Variants in BOD1L1 observed in about 807,000 individuals in gnomAD.
BOD1L1 encodes the protein biorientation of chromosomes in cell division 1 like 1.
A neutral mutation model predicts 240.7 loss-of-function variants in BOD1L1; 86 were observed. The ratio of observed to expected loss-of-function variants is 0.36; its 90% CI spans 0.30 to 0.43. BOD1L1 has a LOEUF of 0.43. Ranked by LOEUF, BOD1L1 falls within the 20% of genes least tolerant of loss-of-function variation. The probability of loss-of-function intolerance (pLI) is 1.00; values close to 1 mark genes in which losing one functional copy is unlikely to be tolerated. For missense variants in BOD1L1, 3,554 were observed against 3,643.5 expected, an observed-to-expected ratio of 0.98 and a Z score of 0.63; for synonymous variants, 1,268 against 1,272.3, an observed-to-expected ratio of 1.00 and a Z score of 0.07.
At chr4:13,583,086 T>C (rs914088895) in intron 17 of BOD1L1, among the ~76,000 whole-genome samples, 3 of 152,174 alleles carry the variant, frequency 2.0e-5, no homozygotes, top group African/African-American at 7.2e-5. Context: ...CAGATATTTA[T>C]CTTTGTGGAG....
chr4:13,626,894 C>A (rs926539096), intron 1 of BOD1L1, among the ~76,000 whole-genome samples: 1 of 152,204 alleles, frequency 6.6e-6, no homozygotes, highest in Admixed American at 6.5e-5. Context: ...CTCCCACCCC[C>A]ACGATGTCCA....
At chr4:13,591,041 TTTTTAAA>T (rs1714166169) in intron 13 of BOD1L1, among the ~76,000 whole-genome samples, 1 of 152,050 alleles carries the variant, frequency 6.6e-6, no homozygotes, top group South Asian at 2.1e-4. Flanking sequence ...ATTTAAAGTC[TTTTTAAA>T]TTTTAAAGTG....
intron 17 of BOD1L1, among the ~76,000 whole-genome samples, 180 bp from the exon 18 acceptor site, chr4:13,582,916 A>G (rs1713351905): frequency 6.6e-6 from 1 of 152,242 alleles, no homozygotes; most frequent in Non-Finnish European, 1.5e-5. Context: ...CATAAAAAAA[A>G]TAAACATTCT....
At chr4:13,582,505 A>C (rs1713315948) in intron 18 of BOD1L1, 147 bp downstream of exon 18, 1 of 708,396 alleles carries the variant, frequency 1.4e-6, no homozygotes, top group Admixed American at 2.9e-5. Context: ...ATCCAAATTA[A>C]AAATGATTCC....
In BOD1L1 at chr4:13,603,951, A is replaced by T. The variant is rs1268747686; in HGVS notation, c.2949T>A (p.Ser983Arg). 6.2e-7 allele frequency: 1 copy of T among 1,613,750 alleles called. No individual in the cohort carries two copies. Among genetic ancestry groups the T allele is most frequent in the Admixed American group, 1.7e-5 (1 of 59,986 alleles). The change falls in exon 10 of 26, where the codon AGT (serine) becomes AGA (arginine). Residue 983 changes from serine (S) to arginine (R), a missense_variant. By Grantham distance (110) the Ser-to-Arg change is moderately radical. Around this residue, in one of 2 missense-constraint regions of BOD1L1, gnomAD observed 3,393 missense variants for 3,427.1 expected, o/e 0.99. Transcript: ENST00000040738. Reference protein sequence around the residue: ...VLETASSSAHSTQKDSSHRAK... With the variant: ...VLETASSSAHRTQKDSSHRAK... ...CTCTATGACTAGAATCCTTCTGTGTACTATGTGCTGAAGAAGAAGCAGTCT... is the reference window on the plus strand; with the variant it reads ...CTCTATGACTAGAATCCTTCTGTGTTCTATGTGCTGAAGAAGAAGCAGTCT...
rs746019344 is a variant in BOD1L1, at chr4:13,603,930, A to G, written c.2970T>C (p.His990=). The change falls in exon 10 of 26, where the codon CAT becomes CAC. Residue 990 remains histidine, a synonymous_variant. Transcript: ENST00000040738. ...SAHSTQKDSS[H]RAKLPLAKEK... ...CCTTTGCTAATGGTAACTTGGCTCTATGACTAGAATCCTTCTGTGTACTAT... is the reference window on the plus strand; with the variant it reads ...CCTTTGCTAATGGTAACTTGGCTCTGTGACTAGAATCCTTCTGTGTACTAT... The G allele has an allele frequency of 6.2e-7, 1 of 1,613,958 alleles. No individual in the cohort carries two copies. Among genetic ancestry groups the G allele is most frequent in the Non-Finnish European group, 8.5e-7 (1 of 1,179,886 alleles).
chr4:13,598,427 T>C (rs1714794354), intron 10 of BOD1L1, among the ~76,000 whole-genome samples: 1 of 152,182 alleles, frequency 6.6e-6, no homozygotes, highest in Non-Finnish European at 1.5e-5. Flanking sequence ...TCCCGTCTTA[T>C]TATCCCCATT....
At chr4:13,605,128 A>G in intron 9 of BOD1L1, 44 bp from the exon 10 acceptor site, 3 of 1,398,732 alleles carry the variant, frequency 2.1e-6, no homozygotes, top group Middle Eastern at 1.8e-4. Context: ...ACCAAAATCA[A>G]TTTTTAGATT....
intron 25 of BOD1L1, among the ~76,000 whole-genome samples, chr4:13,572,287 C>G (rs967554497): frequency 9.9e-5 from 15 of 152,196 alleles, no homozygotes; most frequent in Non-Finnish European, 1.9e-4. Context: ...CTCTGGGAAG[C>G]AGTAAGACCA....
chr4:13,600,119 C>G lies in BOD1L1; in HGVS notation c.6781G>C (p.Val2261Leu). The G allele has an allele frequency of 6.2e-7, 1 of 1,613,924 alleles. No homozygotes were observed. The highest frequency in any genetic ancestry group is 8.5e-7 in the Non-Finnish European group (1 of 1,179,888). Reference sequence around the variant, plus strand: ...GACACTGGGCCCTCACAGTCTTCCACCGAGCTCGTAGAGATGATGCCACTC... The same window carrying G: ...GACACTGGGCCCTCACAGTCTTCCAGCGAGCTCGTAGAGATGATGCCACTC... ...DGSGIISTSSVEDCEGPVSSA... is the reference protein window; with the variant it reads ...DGSGIISTSSLEDCEGPVSSA... The change falls in exon 10 of 26, where the codon GTG (valine) becomes CTG (leucine). Residue 2261 changes from valine to leucine, a missense_variant. By Grantham distance (32) the Val-to-Leu change is conservative. Coordinates refer to ENST00000040738, the MANE Select transcript of BOD1L1 (RefSeq NM_148894.3).
chr4:13,576,485 T>G (rs909131723), intron 25 of BOD1L1, among the ~76,000 whole-genome samples: 1 of 152,142 alleles, frequency 6.6e-6, no homozygotes, highest in Non-Finnish European at 1.5e-5. Context: ...GAATTAAGTA[T>G]GCTGAGAGCA....
At chr4:13,626,735 T>C (rs1717422607) in intron 1 of BOD1L1, among the ~76,000 whole-genome samples, 1 of 152,126 alleles carries the variant, frequency 6.6e-6, no homozygotes, top group Non-Finnish European at 1.5e-5. Context: ...CTGCATCTTT[T>C]CTCCACTGAA....
intron 17 of BOD1L1, among the ~76,000 whole-genome samples, 186 bp from the exon 18 acceptor site, chr4:13,582,922 A>C (rs138365206): frequency 6.6e-6 from 1 of 152,238 alleles, no homozygotes; most frequent in African/African-American, 2.4e-5. Context: ...AAAAATAAAC[A>C]TTCTGAGAAC....
rs767244091 is a variant in BOD1L1, at chr4:13,600,930, C to T, written c.5970G>A (p.Gln1990=). ...TAGTGGTATCTTCAACTTTTTCGAG[C>T]TGACTGTCACTTTGATCAGATGCAG... The part of the protein sequence containing the change: ...TSAASDQSDS[Q]LEKVEDTTIS... Residue 1990 remains glutamine (Q), a synonymous_variant, in exon 10 of 26, where the codon CAG becomes CAA. Transcript: ENST00000040738. 1 of 1,613,840 alleles carries T rather than the reference C, an allele frequency of 6.2e-7. No individual in the cohort carries two copies. Among genetic ancestry groups the T allele is most frequent in the Non-Finnish European group, 8.5e-7 (1 of 1,179,894 alleles).
chr4:13,573,881 T>G (rs1431024038), intron 25 of BOD1L1, among the ~76,000 whole-genome samples: 1 of 152,172 alleles, frequency 6.6e-6, no homozygotes, highest in East Asian at 1.9e-4. Context: ...CTTGCTATGT[T>G]GCTTAGGCTG....
Position 13,599,523 on chromosome 4 carries a change from T to G in BOD1L1, c.7377A>C (p.Ala2459=). Reference sequence around the variant, plus strand: ...AGTTCAACAATACATTCTTCTCTTCTGCATTTATGAGGTGTAAAGTGCTCT... The same window carrying G: ...AGTTCAACAATACATTCTTCTCTTCGGCATTTATGAGGTGTAAAGTGCTCT... The part of the protein sequence containing the change: ...QKESTLHLIN[A]EEKNVLLNSL... Residue 2459 remains alanine (A), a synonymous_variant, in exon 10 of 26, where the codon GCA becomes GCC. Transcript: ENST00000040738. 1 of 1,614,084 alleles carries G rather than the reference T, an allele frequency of 6.2e-7. No individual in the cohort carries two copies. The highest frequency in any genetic ancestry group is 8.5e-7 in the Non-Finnish European group (1 of 1,179,910).
chr4:13,625,651 ATAAC>A (rs1717333299), intron 1 of BOD1L1: 2 of 152,236 alleles, frequency 1.3e-5, no homozygotes, highest in South Asian at 4.1e-4. Context: ...TTGAATACGA[ATAAC>A]TAACTTTATT....
chr4:13,621,134 C>T lies in BOD1L1; in HGVS notation c.244-1067G>A, dbSNP rs145890631. Among the ~76,000 whole-genome samples the T allele has an allele frequency of 9.4e-3, 1,438 of 152,276 alleles. 11 individuals carry two copies. The highest frequency in any genetic ancestry group is 0.014 in the Non-Finnish European group (931 of 68,016). Reference sequence around the variant, plus strand: ...CCTGAGGGGAACATGGAGGGGAACACATATTACATCATCTCTACCTGAAGG... The same window carrying T: ...CCTGAGGGGAACATGGAGGGGAACATATATTACATCATCTCTACCTGAAGG... On this transcript the variant is annotated intron_variant, in intron 1 of 25. Coordinates refer to ENST00000040738, the MANE Select transcript of BOD1L1 (RefSeq NM_148894.3).
rs1355290371 is a variant in BOD1L1 at position 13,627,699 on chromosome 4, C to G, written c.-112G>C. 3 of 939,200 alleles carry G rather than the reference C, an allele frequency of 3.2e-6. No individual in the cohort carries two copies. The highest frequency in any genetic ancestry group is 9.5e-5 in the East Asian group (1 of 10,496). 58.2% of individuals were successfully genotyped at this position (939,200 alleles called of 1,614,324 possible). A position where few individuals can be genotyped will look rare whatever the true frequency, so the allele number is the denominator to read the frequency against. ...AGCCAACGGGATGTTGTTACGGAAC[C>G]AGCGGATCCAGAGCAACCCCGGAAG... On this transcript the variant is annotated 5_prime_UTR_variant, in exon 1 of 26. Coordinates refer to ENST00000040738, the MANE Select transcript of BOD1L1 (RefSeq NM_148894.3).
Sources: allele counts gnomAD v4.1 joint callset (sites outside exome capture counted in the v4.1 genomes callset), GRCh38; gene constraint gnomAD v4.1.1; regional missense constraint gnomAD v4.1.1; transcripts MANE v1.5; gene names NCBI Gene and HGNC (gene_info 2026-07-23, HGNC 2026-07-21).